Variants in NSF observed in about 807,000 individuals in gnomAD.
The protein encoded by NSF is N-ethylmaleimide sensitive factor, vesicle fusing ATPase, also known as vesicle-fusing ATPase.
A neutral mutation model predicts 50.3 loss-of-function variants in NSF; 14 were observed. The observed-to-expected ratio is 0.28, with a 90% CI of 0.18 to 0.44. The LOEUF is 0.44. Among genes scored for constraint, NSF ranks in the 20% least tolerant of loss-of-function variants. NSF has a pLI of 1.00. For missense variants in NSF, 218 were observed against 504.3 expected (o/e 0.43, Z 5.44); for synonymous variants, 109 against 175.7 (o/e 0.62, Z 3.00).
intron 18 of NSF, among the ~76,000 whole-genome samples, chr17:46,750,562 T>C (rs773758828): frequency 1.3e-5 from 2 of 152,210 alleles, no homozygotes; most frequent in Non-Finnish European, 2.9e-5. Context: ...ATACTCAACC[T>C]GTACCTCCAG....
chr17:46,621,341 C>T (rs2058064532), intron 1 of NSF, among the ~76,000 whole-genome samples: 1 of 138,222 alleles, frequency 7.2e-6, no homozygotes, highest in Non-Finnish European at 1.6e-5. Flanking sequence ...GACTGGAGTA[C>T]AGTGACACGA....
chr17:46,694,213 C>A (rs2058573129), intron 11 of NSF, among the ~76,000 whole-genome samples: 1 of 136,256 alleles, frequency 7.3e-6, no homozygotes, highest in Non-Finnish European at 1.5e-5. Context: ...GGTGAAACCC[C>A]TTCTCTACTA....
chr17:46,734,243 T>C (rs1300418091), intron 17 of NSF, among the ~76,000 whole-genome samples: 1 of 152,244 alleles, frequency 6.6e-6, no homozygotes, highest in Non-Finnish European at 1.5e-5. Flanking sequence ...TCTCTCCATC[T>C]ATTTGTTCAA....
At chr17:46,755,670 A>G in intron 20 of NSF, 132 bp from the exon 21 acceptor site, 1 of 1,002,692 alleles carries the variant, frequency 1.0e-6, no homozygotes. Flanking sequence ...TGCTCATCTA[A>G]TAGCAAATGC....
intron 17 of NSF, among the ~76,000 whole-genome samples, chr17:46,740,662 CTTTT>C (rs36000135): frequency 1.5e-5 from 2 of 137,140 alleles, no homozygotes; most frequent in African/African-American, 5.3e-5. Context: ...TTATCTTTTT[CTTTT>C]TTTTTTTTTT....
chr17:46,750,939 A>T (rs549032081), intron 18 of NSF, among the ~76,000 whole-genome samples: 19 of 152,214 alleles, frequency 1.2e-4, no homozygotes, highest in South Asian at 6.2e-4. Context: ...AGTCATTTTT[A>T]AAAAAGAACG....
At position 46,708,830 on chromosome 17, in the gene NSF, T is replaced by A. The variant is rs374685727; in HGVS notation, c.1471-2133T>A. Among the ~76,000 whole-genome samples the A allele has an allele frequency of 6.9e-3, 730 of 105,450 alleles. 4 individuals are homozygous for A. Among genetic ancestry groups the A allele is most frequent in the South Asian group, 0.058 (127 of 2,174 alleles). 69.2% of individuals were successfully genotyped at this position (105,450 alleles called of 152,430 possible). ...TATATATATATATATATATTTTTTT[T>A]TTTTTTTTTTTTTGAGACTGAGTCT... On this transcript the variant is annotated intron_variant, in intron 13 of 20. Transcript: ENST00000398238.
chr17:46,631,036 C>T (rs1215605499), intron 4 of NSF, among the ~76,000 whole-genome samples: 1 of 139,938 alleles, frequency 7.1e-6, no homozygotes, highest in African/African-American at 3.0e-5. Context: ...CCCTGTCTTC[C>T]TCTCTGGGTC....
intron 3 of NSF, among the ~76,000 whole-genome samples, chr17:46,628,009 AAAAAAC>A (rs1252652460): frequency 1.0e-4 from 2 of 19,906 alleles, no homozygotes; most frequent in African/African-American, 1.7e-4. Flanking sequence ...TTAAAAAAGA[AAAAAAC>A]AAAAACAAAA....
chr17:46,707,858 C>T (rs2058671660), intron 13 of NSF, among the ~76,000 whole-genome samples: 1 of 151,874 alleles, frequency 6.6e-6, no homozygotes, highest in African/African-American at 2.4e-5. Flanking sequence ...ATAGTGAAAC[C>T]CCATCTCTAC....
intron 15 of NSF, among the ~76,000 whole-genome samples, chr17:46,721,231 C>A (rs1025700548): frequency 5.3e-5 from 8 of 152,224 alleles, no homozygotes; most frequent in African/African-American, 1.9e-4. Context: ...TCCACCTTTG[C>A]ATGCAAGAGA....
At chr17:46,734,822 C>T (rs199447) in intron 17 of NSF, among the ~76,000 whole-genome samples, 20,286 of 152,038 alleles carry the variant, frequency 0.13, 1,846 homozygotes, top group Non-Finnish European at 0.2. Context: ...TTTGAGAGGC[C>T]AAGGCAGGAA....
At chr17:46,732,856 G>A (rs1049257803) in intron 17 of NSF, among the ~76,000 whole-genome samples, 2 of 152,164 alleles carry the variant, frequency 1.3e-5, no homozygotes, top group African/African-American at 4.8e-5. Context: ...CGGAAAAAAG[G>A]GCTTCTCTGA....
intron 15 of NSF, among the ~76,000 whole-genome samples, chr17:46,720,980 C>T (rs1286362283): frequency 6.6e-6 from 1 of 151,758 alleles, no homozygotes; most frequent in Non-Finnish European, 1.5e-5. Context: ...TAGCTGCTGC[C>T]CCTGTCCCAC....
At chr17:46,712,192 G>C (rs1333504633) in intron 14 of NSF, among the ~76,000 whole-genome samples, 1 of 151,204 alleles carries the variant, frequency 6.6e-6, no homozygotes, top group African/African-American at 2.4e-5. Flanking sequence ...GAGATAAGTA[G>C]ACTAATTAGA....
At chr17:46,715,000 A>T (rs2058754250) in intron 15 of NSF, among the ~76,000 whole-genome samples, 1 of 152,250 alleles carries the variant, frequency 6.6e-6, no homozygotes, top group South Asian at 2.1e-4. Context: ...ACTGAAGAAG[A>T]GAAATAGATT....
chr17:46,728,033 T>A (rs2058909060), intron 16 of NSF, among the ~76,000 whole-genome samples: 1 of 152,126 alleles, frequency 6.6e-6, no homozygotes, highest in Admixed American at 6.5e-5. Flanking sequence ...CCCACTGTTC[T>A]CATCAGGTGG....
At chr17:46,707,279 G>A (rs879374926) in intron 13 of NSF, among the ~76,000 whole-genome samples, 3 of 152,166 alleles carry the variant, frequency 2.0e-5, no homozygotes, top group Non-Finnish European at 4.4e-5. Flanking sequence ...TGTATTGTGT[G>A]AAATAGTGTC....
chr17:46,749,730 G>T, intron 17 of NSF, 43 bp from the exon 18 acceptor site: 1 of 1,563,676 alleles, frequency 6.4e-7, no homozygotes, highest in Non-Finnish European at 8.7e-7. Flanking sequence ...TTCCTAATTA[G>T]TCTTATTATG....
Sources: allele counts gnomAD v4.1 joint callset (sites outside exome capture counted in the v4.1 genomes callset), GRCh38; gene constraint gnomAD v4.1.1; transcripts MANE v1.5; gene names NCBI Gene and HGNC (gene_info 2026-07-23, HGNC 2026-07-21).